NKAIN2: variants seen among roughly 807,000 people sequenced by gnomAD.
NKAIN2 encodes the protein sodium/potassium-transporting ATPase subunit beta-1-interacting protein 2.
A neutral mutation model predicts 32.6 loss-of-function variants in NKAIN2; 14 were observed. That is an observed-to-expected ratio of 0.43 (90% CI 0.28 to 0.67). NKAIN2 has a LOEUF of 0.67. Ranked by LOEUF, NKAIN2 falls within the 30% of genes least tolerant of loss-of-function variation. The pLI is 0.17. For synonymous variants in NKAIN2, 80 were observed against 87.2 expected, an observed-to-expected ratio of 0.92 and a Z score of 0.46; for missense variants, 198 against 258.3, an observed-to-expected ratio of 0.77 and a Z score of 1.60.
At chr6:124,192,245 C>T (rs1790057274) in intron 1 of NKAIN2, among the ~76,000 whole-genome samples, 1 of 152,118 alleles carries the variant, frequency 6.6e-6, no homozygotes, top group Non-Finnish European at 1.5e-5. Context: ...ATAAAGGTCC[C>T]TCCAAGCACT....
intron 1 of NKAIN2, among the ~76,000 whole-genome samples, chr6:123,867,786 T>A (rs926511569): frequency 6.6e-6 from 1 of 152,150 alleles, no homozygotes; most frequent in Non-Finnish European, 1.5e-5. Context: ...CCTTCCCCTT[T>A]ACTCAGATTG....
At chr6:124,168,239 C>G (rs1414857729) in intron 1 of NKAIN2, among the ~76,000 whole-genome samples, 1 of 152,094 alleles carries the variant, frequency 6.6e-6, no homozygotes, top group Admixed American at 6.6e-5. Context: ...TAAAATTTGA[C>G]AAGTTAACTG....
At chr6:124,168,111 C>G (rs1788663660) in intron 1 of NKAIN2, among the ~76,000 whole-genome samples, 1 of 152,126 alleles carries the variant, frequency 6.6e-6, no homozygotes, top group Non-Finnish European at 1.5e-5. Flanking sequence ...TAGTATCTGT[C>G]CTGGTTTATC....
At chr6:124,702,889 T>C (rs1346839308) in intron 4 of NKAIN2, among the ~76,000 whole-genome samples, 5 of 152,128 alleles carry the variant, frequency 3.3e-5, no homozygotes, top group Non-Finnish European at 7.4e-5. Flanking sequence ...ATGGAATATA[T>C]TCCTTAAATA....
intron 3 of NKAIN2, among the ~76,000 whole-genome samples, chr6:124,548,104 G>A (rs1333576568): frequency 6.6e-6 from 1 of 152,106 alleles, no homozygotes; most frequent in Non-Finnish European, 1.5e-5. Flanking sequence ...GAAAGCAGAA[G>A]GTGTTAATAT....
intron 3 of NKAIN2, among the ~76,000 whole-genome samples, chr6:124,495,798 T>C (rs1169269056): frequency 6.6e-6 from 1 of 152,144 alleles, no homozygotes; most frequent in Non-Finnish European, 1.5e-5. Flanking sequence ...CATCTCTGAT[T>C]CTTTTGGCTT....
At chr6:124,395,102 T>G (rs1773320745) in intron 3 of NKAIN2, among the ~76,000 whole-genome samples, 1 of 152,258 alleles carries the variant, frequency 6.6e-6, no homozygotes, top group African/African-American at 2.4e-5. Context: ...TAATTAAAAA[T>G]AGACAAAATT....
At chr6:124,690,811 C>T (rs1562326694) in intron 4 of NKAIN2, among the ~76,000 whole-genome samples, 1 of 152,150 alleles carries the variant, frequency 6.6e-6, no homozygotes, top group Admixed American at 6.6e-5. Flanking sequence ...AATGCACTTC[C>T]TCTCTCTTCT....
intron 1 of NKAIN2, among the ~76,000 whole-genome samples, chr6:123,819,921 G>A (rs1003165707): frequency 1.2e-4 from 18 of 152,066 alleles, no homozygotes; most frequent in African/African-American, 4.3e-4. Context: ...TAAAATAGAG[G>A]AACGAAAAGA....
intron 3 of NKAIN2, among the ~76,000 whole-genome samples, chr6:124,573,082 C>T (rs989937017): frequency 2.0e-5 from 3 of 152,188 alleles, no homozygotes; most frequent in South Asian, 2.1e-4. Flanking sequence ...TCAGGTGATC[C>T]GCCCACCCCG....
intron 2 of NKAIN2, among the ~76,000 whole-genome samples, chr6:124,333,678 A>C (rs181621981): frequency 5.6e-4 from 85 of 151,516 alleles, no homozygotes; most frequent in African/African-American, 1.9e-3. Flanking sequence ...TAAATAAATA[A>C]ATAAATACAT....
intron 4 of NKAIN2, among the ~76,000 whole-genome samples, chr6:124,737,527 C>T (rs1777010507): frequency 6.6e-6 from 1 of 151,770 alleles, no homozygotes; most frequent in Non-Finnish European, 1.5e-5. Flanking sequence ...GGGAGTGCTG[C>T]TATGAAGATG....
intron 3 of NKAIN2, among the ~76,000 whole-genome samples, chr6:124,643,311 A>G (rs1453456544): frequency 2.0e-5 from 3 of 152,138 alleles, no homozygotes; most frequent in Non-Finnish European, 4.4e-5. Flanking sequence ...ACATATTGCT[A>G]CTTAGAAATA....
At chr6:124,482,905 C>A (rs187679015) in intron 3 of NKAIN2, among the ~76,000 whole-genome samples, 130 of 152,256 alleles carry the variant, frequency 8.5e-4, no homozygotes, top group African/African-American at 3.0e-3. Context: ...GAGGCCGAGG[C>A]GGGCGGATCA....
chr6:124,083,788 C>A (rs946802114), intron 1 of NKAIN2, among the ~76,000 whole-genome samples: 1 of 134,448 alleles, frequency 7.4e-6, no homozygotes, highest in Non-Finnish European at 1.6e-5. Context: ...GGAACTGCAA[C>A]AATACTAGGT....
At chr6:123,961,935 A>G (rs1284648297) in intron 1 of NKAIN2, among the ~76,000 whole-genome samples, 1 of 152,176 alleles carries the variant, frequency 6.6e-6, no homozygotes, top group Non-Finnish European at 1.5e-5. Flanking sequence ...CTTTATTGAA[A>G]TTACTGCTTT....
Position 124,723,711 on chromosome 6 carries a change from A to T in NKAIN2, c.474+65325A>T, listed in dbSNP as rs147916570. On this transcript the variant is annotated intron_variant, in intron 4 of 6. Coordinates refer to ENST00000368417, the MANE Select transcript of NKAIN2 (RefSeq NM_001040214.3). The stretch of plus-strand genomic sequence containing the variant: ...TTACTGTAAGTAAGAAACAAGTTAA[A>T]AGGTGCTTAATGTCAAGATTTGAAT... Among the ~76,000 whole-genome samples the T allele has an allele frequency of 5.2e-3, 794 of 152,338 alleles. 12 individuals carry two copies. Among genetic ancestry groups the T allele is most frequent in the African/African-American group, 0.018 (760 of 41,574 alleles).
At chr6:124,572,904 A>G (rs1412329179) in intron 3 of NKAIN2, among the ~76,000 whole-genome samples, 1 of 151,920 alleles carries the variant, frequency 6.6e-6, no homozygotes, top group East Asian at 1.9e-4. Context: ...GCTGGGGGTG[A>G]TCTCTGCTCA....
At chr6:124,722,461 A>C (rs551392985) in intron 4 of NKAIN2, among the ~76,000 whole-genome samples, 1 of 152,206 alleles carries the variant, frequency 6.6e-6, no homozygotes, top group African/African-American at 2.4e-5. Flanking sequence ...GACCTGGGGT[A>C]AGGGAAAGAA....
Sources: allele counts gnomAD v4.1 joint callset (sites outside exome capture counted in the v4.1 genomes callset), GRCh38; gene constraint gnomAD v4.1.1; transcripts MANE v1.5; gene names NCBI Gene and HGNC (gene_info 2026-07-23, HGNC 2026-07-21).